The following PDE1C variants were observed in gnomAD, a reference collection of about 807,000 sequenced individuals.
PDE1C encodes the protein phosphodiesterase 1C, also known as dual specificity calcium/calmodulin-dependent 3',5'-cyclic nucleotide phosphodiesterase 1C.
PDE1C carries 62 observed loss-of-function variants against 93.1 expected under a neutral mutation model. That is an observed-to-expected ratio of 0.67 (90% CI 0.54 to 0.82). The LOEUF (loss-of-function observed/expected upper bound fraction) is 0.82, where lower values mean the gene tolerates loss of function less well. PDE1C is among the 40% of genes least tolerant of loss of function. The pLI, the probability that PDE1C is intolerant of heterozygous loss-of-function variation, is 0.00. For synonymous variants in PDE1C, 325 were observed against 310.1 expected (o/e 1.05, Z -0.50); for missense variants, 742 against 884.6 (o/e 0.84, Z 2.04).
chr7:32,372,559 AT>A (rs1283900227), intron 1 of PDE1C, among the ~76,000 whole-genome samples: 1 of 152,204 alleles, frequency 6.6e-6, no homozygotes, highest in Non-Finnish European at 1.5e-5. Context: ...AATCTTTGTG[AT>A]TTTTGGTTAG....
chr7:32,335,817 C>A (rs1783608279), intron 1 of PDE1C, among the ~76,000 whole-genome samples: 1 of 152,106 alleles, frequency 6.6e-6, no homozygotes, highest in South Asian at 2.1e-4. Context: ...CAGCCTCAAC[C>A]TCCTAGCCAC....
chr7:32,276,686 T>C (rs1266195078), intron 1 of PDE1C, among the ~76,000 whole-genome samples: 1 of 152,096 alleles, frequency 6.6e-6, no homozygotes, highest in African/African-American at 2.4e-5. Context: ...ATGGAAATAA[T>C]AATAATAATA....
At chr7:31,836,820 C>A (rs1448537420) in intron 11 of PDE1C, among the ~76,000 whole-genome samples, 1 of 151,924 alleles carries the variant, frequency 6.6e-6, no homozygotes, top group Non-Finnish European at 1.5e-5. Context: ...GACATGAGTT[C>A]AAGATTAACA....
At chr7:31,908,438 C>T (rs1035996423) in intron 2 of PDE1C, among the ~76,000 whole-genome samples, 3 of 152,158 alleles carry the variant, frequency 2.0e-5, no homozygotes, top group East Asian at 1.9e-4. Context: ...CTGGTTCCAG[C>T]GTATGCTCCA....
chr7:32,297,397 G>A (rs564690571), intron 1 of PDE1C, among the ~76,000 whole-genome samples: 2 of 152,058 alleles, frequency 1.3e-5, no homozygotes, highest in African/African-American at 2.4e-5. Context: ...GGAAGTACTT[G>A]AGTACTTCCA....
intron 7 of PDE1C, among the ~76,000 whole-genome samples, chr7:31,863,720 C>T (rs1366641041): frequency 2.6e-5 from 4 of 152,160 alleles, no homozygotes; most frequent in African/African-American, 9.7e-5. Flanking sequence ...CTTTATGAGG[C>T]AGAGTACTTA....
At chr7:32,304,740 A>G (rs1161500444) in intron 1 of PDE1C, among the ~76,000 whole-genome samples, 2 of 152,200 alleles carry the variant, frequency 1.3e-5, no homozygotes, top group East Asian at 3.8e-4. Context: ...TAAAATGGAC[A>G]TAAAATACCT....
intron 1 of PDE1C, among the ~76,000 whole-genome samples, chr7:32,292,820 C>T (rs1812415730): frequency 6.6e-6 from 1 of 152,242 alleles, no homozygotes; most frequent in Non-Finnish European, 1.5e-5. Context: ...CCACTCCCAA[C>T]TTCCCCATGG....
At chr7:32,278,069 T>C (rs1327645837) in intron 1 of PDE1C, among the ~76,000 whole-genome samples, 4 of 94,174 alleles carry the variant, frequency 4.2e-5, no homozygotes, top group South Asian at 6.2e-4. Context: ...TTGGATTATA[T>C]AGCAAAAAAA....
chr7:32,026,382 G>A (rs576695816), intron 2 of PDE1C, among the ~76,000 whole-genome samples: 3 of 152,134 alleles, frequency 2.0e-5, no homozygotes, highest in South Asian at 2.1e-4. Context: ...ATTCACTGTC[G>A]ATCTCAGAAC....
At chr7:31,691,991 T>C in the PDE1C span, among the ~76,000 whole-genome samples, 2 of 152,132 alleles carry the variant, frequency 1.3e-5, no homozygotes, top group Non-Finnish European at 2.9e-5. Flanking sequence ...TGAGCCTCTG[T>C]CTCCTCATCT....
the PDE1C span, among the ~76,000 whole-genome samples, chr7:31,687,649 CTACTT>C: frequency 6.6e-6 from 1 of 152,200 alleles, no homozygotes. Context: ...TCTCCATGCC[CTACTT>C]TAAGTCAGTC....
chr7:32,387,634 T>A (rs867601796), intron 1 of PDE1C, among the ~76,000 whole-genome samples: 2 of 95,708 alleles, frequency 2.1e-5, no homozygotes, highest in Non-Finnish European at 4.3e-5. Context: ...GGGGGGCTGA[T>A]CCCCCCACCT....
intron 16 of PDE1C, among the ~76,000 whole-genome samples, chr7:31,798,509 A>C (rs771129277): frequency 2.0e-5 from 3 of 151,766 alleles, no homozygotes; most frequent in Admixed American, 2.0e-4. Context: ...AACATTTTCT[A>C]TGACTTATGT....
At chr7:31,844,317 T>G (rs1225524390) in intron 9 of PDE1C, among the ~76,000 whole-genome samples, 1 of 151,754 alleles carries the variant, frequency 6.6e-6, no homozygotes, top group Non-Finnish European at 1.5e-5. Flanking sequence ...AGAAATTTCT[T>G]TAGCATCCCT....
chr7:31,995,358 C>T (rs996169217), intron 2 of PDE1C, among the ~76,000 whole-genome samples: 1 of 152,004 alleles, frequency 6.6e-6, no homozygotes, highest in South Asian at 2.1e-4. Flanking sequence ...TTTTGAAGAC[C>T]CAAAACACAA....
chr7:32,166,744 T>C (rs1802305260), intron 3 of PDE1C, among the ~76,000 whole-genome samples: 1 of 152,208 alleles, frequency 6.6e-6, no homozygotes, highest in African/African-American at 2.4e-5. Flanking sequence ...ATCCAGAGTG[T>C]TTGCAGGCCA....
the PDE1C span, among the ~76,000 whole-genome samples, chr7:31,702,203 A>ATTTTTT: frequency 6.2e-3 from 778 of 125,288 alleles, 5 homozygotes; most frequent in African/African-American, 0.024. Flanking sequence ...TTTCACCCTT[A>ATTTTTT]TTTATTTTTT....
At chr7:32,241,457 G>A (rs1184410279) in intron 1 of PDE1C, among the ~76,000 whole-genome samples, 1 of 152,178 alleles carries the variant, frequency 6.6e-6, no homozygotes, top group Non-Finnish European at 1.5e-5. Flanking sequence ...CAATGTGGAG[G>A]TATTGGGTGA....
Sources: allele counts gnomAD v4.1 joint callset (sites outside exome capture counted in the v4.1 genomes callset), GRCh38; gene constraint gnomAD v4.1.1; transcripts MANE v1.5; gene names NCBI Gene and HGNC (gene_info 2026-07-23, HGNC 2026-07-21).